PRAMEF11: variants seen among roughly 807,000 people sequenced by gnomAD.
PRAMEF11 encodes the protein PRAME family member 11.
In PRAMEF11, 17 loss-of-function variants were observed where a neutral mutation model predicts 33.6. That is an observed-to-expected ratio of 0.51 (90% CI 0.35 to 0.76). PRAMEF11 has a LOEUF of 0.76. Among genes scored for constraint, PRAMEF11 ranks in the 30% least tolerant of loss-of-function variants. The pLI, the probability that PRAMEF11 is intolerant of heterozygous loss-of-function variation, is 0.01. For missense variants in PRAMEF11, 568 were observed against 567.0 expected, an observed-to-expected ratio of 1.00 and a Z score of -0.02; for synonymous variants, 205 against 227.3, an observed-to-expected ratio of 0.90 and a Z score of 0.88.
chr1:12,826,801 AT>A (rs140235045), intron 3 of PRAMEF11, among the ~76,000 whole-genome samples: 8,774 of 150,876 alleles, frequency 0.058, 917 homozygotes, highest in African/African-American at 0.2. Flanking sequence ...ACTTTTATTT[AT>A]TCATTTCTGA....
Position 12,827,365 on chromosome 1 carries a change from C to A in PRAMEF11, c.759G>T (p.Glu253Asp), listed in dbSNP as rs200248482. ...HMDVSRYVSP[E>D]QKKEIVTQFT... Reference sequence around the variant, plus strand: ...ACTGGGTAACAATCTCCTTCTTCTGCTCTGGGGAAACGTAGCGAGAGACAT... The same window carrying A: ...ACTGGGTAACAATCTCCTTCTTCTGATCTGGGGAAACGTAGCGAGAGACAT... Residue 253 changes from glutamate (E) to aspartate (D), a missense_variant, in exon 3 of 4, where the codon GAG (glutamate) becomes GAT (aspartate). Around this residue, in one of 3 missense-constraint regions of PRAMEF11, gnomAD observed 342 missense variants for 312.0 expected, o/e 1.10. Coordinates refer to ENST00000619922, the MANE Select transcript of PRAMEF11 (RefSeq NM_001146344.3). The A allele has an allele frequency of 4.6e-5, 73 of 1,576,602 alleles. 2 individuals are homozygous for A. The highest frequency in any genetic ancestry group is 1.8e-4 in the Middle Eastern group (1 of 5,416).
intron 1 of PRAMEF11, among the ~76,000 whole-genome samples, 163 bp from the exon 2 acceptor site, chr1:12,828,968 C>T (rs1488854969): frequency 4.6e-5 from 7 of 151,906 alleles, no homozygotes; most frequent in Admixed American, 3.3e-4. Context: ...AGCATTCTGC[C>T]TCTGCTGCAT....
chr1:12,826,933 C>T (rs1034720534), intron 3 of PRAMEF11, among the ~76,000 whole-genome samples: 2 of 151,186 alleles, frequency 1.3e-5, no homozygotes, highest in African/African-American at 4.8e-5. Context: ...GCCTATTTTT[C>T]ATCATCTTAA....
chr1:12,827,357 T>C lies in PRAMEF11; in HGVS notation c.767A>G (p.Lys256Arg), dbSNP rs923322769. 8 of 1,598,136 alleles carry C rather than the reference T, an allele frequency of 5.0e-6. No homozygotes were observed. Among genetic ancestry groups the C allele is most frequent in the Non-Finnish European group, 6.8e-6 (8 of 1,176,470 alleles). The change falls in exon 3 of 4, where the codon AAG becomes AGG. Residue 256 changes from lysine (K) to arginine (R), a missense_variant. Lys to Arg is a conservative substitution (Grantham distance 26). Transcript: ENST00000619922. ...AGTGGTGAACTGGGTAACAATCTCC[T>C]TCTTCTGCTCTGGGGAAACGTAGCG... Reference protein sequence around the residue: ...VSRYVSPEQKKEIVTQFTTQF... With the variant: ...VSRYVSPEQKREIVTQFTTQF...
At chr1:12,830,994 AC>A (rs1430567463) in intron 1 of PRAMEF11, among the ~76,000 whole-genome samples, 1 of 23,868 alleles carries the variant, frequency 4.2e-5, no homozygotes, top group Non-Finnish European at 8.5e-5. Flanking sequence ...CTCCATCCCC[AC>A]CCTCAAAAAA....
Position 12,826,800 on chromosome 1 carries a change from T to C in PRAMEF11, c.875+449A>G, listed in dbSNP as rs914112084. On this transcript the variant is annotated intron_variant, in intron 3 of 3. Coordinates refer to ENST00000619922, the MANE Select transcript of PRAMEF11 (RefSeq NM_001146344.3). ...TATCTTGTTTGATTTTACTTTTATT[T>C]ATTCATTTCTGACAGGGGTCTTGGG... 1.0e-4 allele frequency among the ~76,000 whole-genome samples: 15 copies of C among 148,856 alleles called. 1 individual carries two copies. Among genetic ancestry groups the C allele is most frequent in the Non-Finnish European group, 2.1e-4 (14 of 67,800 alleles).
chr1:12,828,811 A>G lies in PRAMEF11; in HGVS notation c.-16-6T>C. The G allele has an allele frequency of 1.1e-5, 17 of 1,608,356 alleles. 1 individual carries two copies. Among genetic ancestry groups the G allele is most frequent in the Non-Finnish European group, 1.4e-5 (17 of 1,177,838 alleles). The stretch of plus-strand genomic sequence containing the variant: ...TCATGAATCTGCAGGGAAAACTTCC[A>G]GAGGACAAACCCAGAGAAAAGGCAT... On this transcript the variant is annotated splice_polypyrimidine_tract_variant and splice_region_variant and intron_variant, in intron 1 of 3. Coordinates refer to ENST00000619922, the MANE Select transcript of PRAMEF11 (RefSeq NM_001146344.3).
intron 1 of PRAMEF11, among the ~76,000 whole-genome samples, chr1:12,830,692 A>T (rs201034327): frequency 2.3e-4 from 34 of 150,810 alleles, no homozygotes; most frequent in Admixed American, 4.0e-4. Context: ...CTAATTAAAA[A>T]AAAAAAAAGT....
intron 1 of PRAMEF11, among the ~76,000 whole-genome samples, chr1:12,830,684 A>G (rs2743666): frequency 0.33 from 48,350 of 146,760 alleles, 8,411 homozygotes; most frequent in East Asian, 0.48. Flanking sequence ...ATGCTCGGCT[A>G]ATTAAAAAAA....
At position 12,826,623 on chromosome 1, in the gene PRAMEF11, G is replaced by T. The variant is rs1639872802; in HGVS notation, c.875+626C>A. Among the ~76,000 whole-genome samples, 2 of 151,206 alleles carry T rather than the reference G, an allele frequency of 1.3e-5. 1 individual carries two copies. The highest frequency in any genetic ancestry group is 4.3e-4 in the South Asian group (2 of 4,702). ...CTTAAAATATAAAAATTAGCCAGGT[G>T]TGGTGGCCCACGCCTGTAATCCCAG... On this transcript the variant is annotated intron_variant, in intron 3 of 3. Transcript: ENST00000619922.
At position 12,828,797 on chromosome 1, in the gene PRAMEF11, C is replaced by T. The variant is rs917425918; in HGVS notation, c.-8G>A. 2 of 1,609,124 alleles carry T rather than the reference C, an allele frequency of 1.2e-6. No homozygotes were observed. The highest frequency in any genetic ancestry group is 2.2e-5 in the South Asian group (2 of 90,506). On this transcript the variant is annotated 5_prime_UTR_variant, in exon 2 of 4. Transcript: ENST00000619922. ...CCGGATGCTCATCTTCATGAATCTG[C>T]AGGGAAAACTTCCAGAGGACAAACC...
intron 2 of PRAMEF11, among the ~76,000 whole-genome samples, chr1:12,828,195 G>T (rs1412837363): frequency 6.8e-6 from 1 of 146,788 alleles, no homozygotes; most frequent in African/African-American, 2.5e-5. Context: ...ATGTTGGACA[G>T]GCTGGCCTCC....
chr1:12,830,098 G>C (rs1639974808), intron 1 of PRAMEF11, among the ~76,000 whole-genome samples: 1 of 151,400 alleles, frequency 6.6e-6, no homozygotes, highest in African/African-American at 2.4e-5. Flanking sequence ...AGATAGGGAA[G>C]GGTTGAACCT....
At chr1:12,829,563 G>A (rs2100347315) in intron 1 of PRAMEF11, among the ~76,000 whole-genome samples, 1 of 151,316 alleles carries the variant, frequency 6.6e-6, no homozygotes, top group East Asian at 2.0e-4. Flanking sequence ...ACCACACCCA[G>A]CTCATCTTTT....
intron 1 of PRAMEF11, among the ~76,000 whole-genome samples, chr1:12,829,103 G>C (rs1428607564): frequency 1.3e-5 from 2 of 151,076 alleles, no homozygotes; most frequent in African/African-American, 2.4e-5. Context: ...CCTACCATTG[G>C]GGGAAATTAT....
At position 12,825,447 on chromosome 1, in the gene PRAMEF11, GA is replaced by G; in HGVS notation, c.931del (p.Ser311GlnfsTer3). 1 of 1,116,048 alleles carries G rather than the reference GA, an allele frequency of 9.0e-7. No homozygotes were observed. The highest frequency in any genetic ancestry group is 1.6e-5 in the African/African-American group (1 of 61,050). The allele number at this position is 1,116,048 out of a possible 1,614,324, so 69.1% of individuals were successfully genotyped here. A position where few individuals can be genotyped will look rare whatever the true frequency, so the allele number is the denominator to read the frequency against. On this transcript the variant is annotated frameshift_variant, in exon 4 of 4. Transcript: ENST00000619922. LOFTEE classifies it high-confidence loss of function. ...LTITNCVLLE[S>X]DLKHLSQCPS... Reference sequence around the variant, plus strand: ...GCACTGGGATAGATGCTTCAAGTCTGATTCCAAAAGCACACAGTTAGTTATT... The same window carrying G: ...GCACTGGGATAGATGCTTCAAGTCTGTTCCAAAAGCACACAGTTAGTTATT...
rs770167367 is a variant in PRAMEF11 at position 12,825,148 on chromosome 1, A to G, written c.1231T>C (p.Cys411Arg). The part of the protein sequence containing the change: ...LSHTIILKNL[C>R]LELYPAPQES... ...TGCGGGGCAGGATACAGCTCCAGGC[A>G]TAAGTTTTTGAGTATGATTGTGTGG... Residue 411 changes from cysteine (C) to arginine (R), a missense_variant, in exon 4 of 4, where the codon TGC (cysteine) becomes CGC (arginine). Transcript: ENST00000619922. The G allele has an allele frequency of 5.6e-6, 9 of 1,609,182 alleles. No homozygotes were observed. The highest frequency in any genetic ancestry group is 7.6e-6 in the Non-Finnish European group (9 of 1,177,770).
rs1303971532 is a variant in PRAMEF11 at position 12,824,877 on chromosome 1, C to T, written c.*65G>A. On this transcript the variant is annotated 3_prime_UTR_variant, in exon 4 of 4. Transcript: ENST00000619922. The stretch of plus-strand genomic sequence containing the variant: ...GCTCCCTTTAGGATGTACCTAAGAC[C>T]TAGGTTTTAGTTTCCAAGTGTCCAG... The T allele has an allele frequency of 6.3e-7, 1 of 1,589,396 alleles. No individual in the cohort carries two copies. Among genetic ancestry groups the T allele is most frequent in the African/African-American group, 1.4e-5 (1 of 73,738 alleles).
At chr1:12,830,574 A>C (rs1639984288) in intron 1 of PRAMEF11, among the ~76,000 whole-genome samples, 1 of 150,858 alleles carries the variant, frequency 6.6e-6, no homozygotes. Context: ...GGAGTACAGG[A>C]GTGGTATGAG....
Sources: allele counts gnomAD v4.1 joint callset (sites outside exome capture counted in the v4.1 genomes callset), GRCh38; gene constraint gnomAD v4.1.1; regional missense constraint gnomAD v4.1.1; transcripts MANE v1.5; gene names NCBI Gene and HGNC (gene_info 2026-07-23, HGNC 2026-07-21).